The following RORA variants were observed in gnomAD, a reference collection of about 807,000 sequenced individuals.
RORA encodes the protein RAR related orphan receptor A, also known as nuclear receptor ROR-alpha.
In RORA, 7 loss-of-function variants were observed where a neutral mutation model predicts 69.5. That is an observed-to-expected ratio of 0.10 (90% CI 0.06 to 0.19). The LOEUF is 0.19. Ranked by LOEUF, RORA falls within the 10% of genes least tolerant of loss-of-function variation. The pLI is 1.00. For synonymous variants in RORA, 261 were observed against 240.8 expected, an observed-to-expected ratio of 1.08 and a Z score of -0.78; for missense variants, 457 against 663.0, an observed-to-expected ratio of 0.69 and a Z score of 3.41.
At chr15:61,188,150 C>T (rs1298156183) in intron 1 of RORA, among the ~76,000 whole-genome samples, 1 of 152,124 alleles carries the variant, frequency 6.6e-6, no homozygotes, top group Non-Finnish European at 1.5e-5. Context: ...AAAGAGGTTT[C>T]CCCACCCGAC....
chr15:61,055,528 G>T (rs140077939), intron 1 of RORA, among the ~76,000 whole-genome samples: 4,366 of 152,240 alleles, frequency 0.029, 80 homozygotes, highest in Admixed American at 0.04. Context: ...GGTGTGTCAG[G>T]TTCTTTAGGT....
chr15:60,561,068 T>G lies in RORA; in HGVS notation c.197-29217A>C, dbSNP rs534001379. On this transcript the variant is annotated intron_variant, in intron 2 of 10. Coordinates refer to ENST00000335670, the MANE Select transcript of RORA (RefSeq NM_134261.3). The stretch of plus-strand genomic sequence containing the variant: ...AGTTTTAACTTGTGTTTTTTTTTTT[T>G]TTGTTTTGTTTTTGTTTTTTTTTTT... Among the ~76,000 whole-genome samples, 211 of 132,318 alleles carry G rather than the reference T, an allele frequency of 1.6e-3. 2 individuals are homozygous for G. The highest frequency in any genetic ancestry group is 6.4e-3 in the South Asian group (30 of 4,654). 86.8% of individuals were successfully genotyped at this position (132,318 alleles called of 152,430 possible).
chr15:60,791,772 G>A (rs946036906), intron 1 of RORA, among the ~76,000 whole-genome samples: 2 of 152,182 alleles, frequency 1.3e-5, no homozygotes, highest in Non-Finnish European at 2.9e-5. Context: ...TCGACCGCAG[G>A]AACAACAGAG....
chr15:60,937,670 A>T (rs2140319992), intron 1 of RORA, among the ~76,000 whole-genome samples: 1 of 152,320 alleles, frequency 6.6e-6, no homozygotes, highest in Admixed American at 6.5e-5. Flanking sequence ...AGTAAGGTGC[A>T]GTGGAGGGAG....
intron 1 of RORA, among the ~76,000 whole-genome samples, chr15:60,974,372 G>T (rs1025842681): frequency 7.2e-5 from 11 of 152,150 alleles, no homozygotes; most frequent in African/African-American, 2.4e-4. Context: ...CAGTTCAGTT[G>T]TTTCACCTCT....
At chr15:61,030,859 T>A (rs1436283910) in intron 1 of RORA, among the ~76,000 whole-genome samples, 1 of 152,202 alleles carries the variant, frequency 6.6e-6, no homozygotes, top group Admixed American at 6.5e-5. Flanking sequence ...ACGCAAATGA[T>A]TGTGAAGGAT....
chr15:60,991,778 C>T (rs1440196673), intron 1 of RORA, among the ~76,000 whole-genome samples: 2 of 151,930 alleles, frequency 1.3e-5, no homozygotes, highest in African/African-American at 2.4e-5. Context: ...CTTGATGCTG[C>T]AAGCACCTGT....
chr15:60,861,507 C>T (rs2073435318), intron 1 of RORA, among the ~76,000 whole-genome samples: 1 of 152,130 alleles, frequency 6.6e-6, no homozygotes, highest in African/African-American at 2.4e-5. Context: ...AGTCACTCTC[C>T]ACCTTTTTAT....
chr15:60,946,013 C>G (rs1892859150), intron 1 of RORA, among the ~76,000 whole-genome samples: 2 of 152,152 alleles, frequency 1.3e-5, no homozygotes, highest in South Asian at 4.1e-4. Context: ...CTCTAGCACT[C>G]AGGTGGGTTA....
intron 1 of RORA, among the ~76,000 whole-genome samples, chr15:60,778,701 C>T (rs1192131304): frequency 2.0e-5 from 3 of 152,138 alleles, no homozygotes; most frequent in South Asian, 2.1e-4. Flanking sequence ...CTTACCCCTT[C>T]CCAGTTCAAA....
chr15:61,182,069 A>G (rs2079692217), intron 1 of RORA, among the ~76,000 whole-genome samples: 1 of 152,230 alleles, frequency 6.6e-6, no homozygotes, highest in South Asian at 2.1e-4. Context: ...CCAAGGTCAT[A>G]TAACACCCAG....
chr15:61,132,858 T>C (rs1308118637), intron 1 of RORA, among the ~76,000 whole-genome samples: 1 of 152,198 alleles, frequency 6.6e-6, no homozygotes, highest in Non-Finnish European at 1.5e-5. Context: ...TATAAATGTA[T>C]GCTGTTTTCA....
chr15:60,679,534 AAG>A (rs1490919648), intron 1 of RORA, among the ~76,000 whole-genome samples: 1 of 152,204 alleles, frequency 6.6e-6, no homozygotes, highest in East Asian at 1.9e-4. Context: ...TCTTGAGACT[AAG>A]TAGGCTCAAA....
chr15:60,816,759 A>AAAATAAAATAAAATAAAATAAAAT (rs1352729290), intron 1 of RORA, among the ~76,000 whole-genome samples: 22 of 151,958 alleles, frequency 1.4e-4, no homozygotes, highest in Admixed American at 2.6e-4. Flanking sequence ...AAAATAAAAT[A>AAAATAAAATAAAATAAAATAAAAT]AAGTGTAGTG....
intron 1 of RORA, among the ~76,000 whole-genome samples, chr15:61,008,201 CTCTGTGTGTGTG>C (rs1475292985): frequency 2.8e-5 from 3 of 106,594 alleles, no homozygotes; most frequent in Non-Finnish European, 6.5e-5. Context: ...TTCTCTCTCT[CTCTGTGTGTGTG>C]TGTGTGTGTG....
chr15:60,929,838 G>A (rs966740858), intron 1 of RORA, among the ~76,000 whole-genome samples: 1 of 152,148 alleles, frequency 6.6e-6, no homozygotes, highest in Non-Finnish European at 1.5e-5. Context: ...CCAGAGATAC[G>A]GACCTGGGAA....
At chr15:60,965,393 AG>A (rs1035216254) in intron 1 of RORA, among the ~76,000 whole-genome samples, 1 of 152,144 alleles carries the variant, frequency 6.6e-6, no homozygotes, top group African/African-American at 2.4e-5. Flanking sequence ...TGTTGTCCCA[AG>A]GCCCAGTAGT....
chr15:60,791,834 T>C (rs535989181), intron 1 of RORA, among the ~76,000 whole-genome samples: 2 of 152,314 alleles, frequency 1.3e-5, no homozygotes, highest in South Asian at 4.1e-4. Flanking sequence ...AAAATTATTT[T>C]CAGAGAAACA....
intron 1 of RORA, among the ~76,000 whole-genome samples, chr15:61,205,203 CAG>C (rs1480940881): frequency 3.3e-5 from 5 of 152,186 alleles, no homozygotes; most frequent in Admixed American, 2.6e-4. Context: ...AGCAAGCCCA[CAG>C]AGCCTGGCTG....
Sources: allele counts gnomAD v4.1 joint callset (sites outside exome capture counted in the v4.1 genomes callset), GRCh38; gene constraint gnomAD v4.1.1; transcripts MANE v1.5; gene names NCBI Gene and HGNC (gene_info 2026-07-23, HGNC 2026-07-21).